PCED1B: variants seen among roughly 807,000 people sequenced by gnomAD.
The protein encoded by PCED1B is PC-esterase domain containing 1B.
For missense variants in PCED1B, 573 were observed against 573.9 expected, an observed-to-expected ratio of 1.00 and a Z score of 0.02; for synonymous variants, 251 against 246.1, an observed-to-expected ratio of 1.02 and a Z score of -0.19.
At chr12:47,173,424 T>C (rs1388726463) in intron 2 of PCED1B, among the ~76,000 whole-genome samples, 1 of 152,102 alleles carries the variant, frequency 6.6e-6, no homozygotes, top group African/African-American at 2.4e-5. Context: ...CAGCTAATTT[T>C]TGTATTTTTA....
At chr12:47,153,280 G>A (rs1401000832) in intron 2 of PCED1B, among the ~76,000 whole-genome samples, 1 of 150,008 alleles carries the variant, frequency 6.7e-6, no homozygotes, top group Non-Finnish European at 1.5e-5. Context: ...AACCCAGGAG[G>A]TGGAGCTTAC....
At chr12:47,181,330 T>A (rs1942088108) in intron 2 of PCED1B, among the ~76,000 whole-genome samples, 1 of 151,900 alleles carries the variant, frequency 6.6e-6, no homozygotes, top group African/African-American at 2.4e-5. Context: ...TATTTTCTAA[T>A]ATATATTAGA....
chr12:47,229,046 A>C (rs1943718639), intron 3 of PCED1B, among the ~76,000 whole-genome samples: 1 of 152,038 alleles, frequency 6.6e-6, no homozygotes, highest in African/African-American at 2.4e-5. Context: ...TCTCTTCTTT[A>C]TTGATGATTA....
In PCED1B at chr12:47,131,673, C is replaced by CTTTTTTTTTTTTTTTTTTTT. The variant is rs760678015; in HGVS notation, c.-526+27492_-526+27493insTTTTTTTTTTTTTTTTTTTT. On this transcript the variant is annotated intron_variant, in intron 2 of 3. Coordinates refer to ENST00000546455, the MANE Select transcript of PCED1B (RefSeq NM_138371.3). ...CTGACACTATTGTCATGTTTTACTT[C>CTTTTTTTTTTTTTTTTTTTT]TTTTTTTTTTTTTTGAGAAGGAGTC... is the stretch of plus-strand genomic sequence containing the variant. Among the ~76,000 whole-genome samples, 65 of 127,976 alleles carry CTTTTTTTTTTTTTTTTTTTT rather than the reference C, an allele frequency of 5.1e-4. 7 individuals carry two copies. Among genetic ancestry groups the CTTTTTTTTTTTTTTTTTTTT allele is most frequent in the African/African-American group, 1.9e-3 (54 of 27,918 alleles). The allele number at this position is 127,976 out of a possible 152,430, so 84.0% of individuals were successfully genotyped here.
intron 2 of PCED1B, among the ~76,000 whole-genome samples, chr12:47,195,939 A>G (rs990579394): frequency 6.6e-6 from 1 of 152,176 alleles, no homozygotes; most frequent in Non-Finnish European, 1.5e-5. Flanking sequence ...TACATTTTTT[A>G]AAAACTGCTT....
At chr12:47,101,291 A>C (rs1746001914) in intron 1 of PCED1B, among the ~76,000 whole-genome samples, 1 of 152,132 alleles carries the variant, frequency 6.6e-6, no homozygotes. Flanking sequence ...GGGAGTGGGC[A>C]AGAGCACTGG....
At chr12:47,107,429 G>A (rs931601030) in intron 2 of PCED1B, among the ~76,000 whole-genome samples, 14 of 152,236 alleles carry the variant, frequency 9.2e-5, no homozygotes, top group African/African-American at 3.4e-4. Flanking sequence ...GGAGCTGATA[G>A]ATGGCAGGCC....
At chr12:47,197,238 CAAAAA>C (rs57095369) in intron 2 of PCED1B, among the ~76,000 whole-genome samples, 1 of 58,612 alleles carries the variant, frequency 1.7e-5, no homozygotes, top group Non-Finnish European at 2.9e-5. Context: ...GACTCTGTCT[CAAAAA>C]AAAAAAAAAA....
chr12:47,160,293 C>CTTTTTTTTTTTTTTTTTTTTTTTTT (rs59856338), intron 2 of PCED1B, among the ~76,000 whole-genome samples: 5 of 69,228 alleles, frequency 7.2e-5, no homozygotes, highest in African/African-American at 1.9e-4. Context: ...TTTTCTTTTT[C>CTTTTTTTTTTTTTTTTTTTTTTTTT]TTTTTTTTTT....
At chr12:47,109,871 T>C (rs1474399) in intron 2 of PCED1B, among the ~76,000 whole-genome samples, 129,114 of 152,168 alleles carry the variant, frequency 0.85, 55,701 homozygotes, top group East Asian at 0.95. Flanking sequence ...GTGATTTTCA[T>C]ATGGAACCAA....
At chr12:47,082,605 T>A (rs854891) in intron 1 of PCED1B, among the ~76,000 whole-genome samples, 23,045 of 152,238 alleles carry the variant, frequency 0.15, 1,836 homozygotes, top group East Asian at 0.27. Flanking sequence ...GTACTGAGCC[T>A]TTATTATATG....
At position 47,235,947 on chromosome 12, in the gene PCED1B, CT is replaced by C. The variant is rs748077963; in HGVS notation, c.886del (p.Ser296ProfsTer141). 2 of 1,612,496 alleles carry C rather than the reference CT, an allele frequency of 1.2e-6. No homozygotes were observed. Among genetic ancestry groups the C allele is most frequent in the Non-Finnish European group, 1.7e-6 (2 of 1,179,388 alleles). On this transcript the variant is annotated frameshift_variant, in exon 4 of 4. Transcript: ENST00000546455. LOFTEE classifies it low-confidence loss of function (END_TRUNC). Reference protein sequence around the residue: ...HPALPLSPPLPSPTYRPLLGF... With the variant: ...HPALPLSPPLXSPTYRPLLGF... ...GCCTTACCTCTGTCCCCACCCTTAC[CT>C]TCCCCCACATACCGCCCCCTGCTTG...
intron 2 of PCED1B, among the ~76,000 whole-genome samples, chr12:47,167,145 G>A (rs1941570029): frequency 1.3e-5 from 2 of 152,126 alleles, no homozygotes; most frequent in Admixed American, 1.3e-4. Flanking sequence ...TATCTTTAAA[G>A]ATGGAAATGT....
At chr12:47,219,272 G>T (rs865847497) in intron 3 of PCED1B, among the ~76,000 whole-genome samples, 1 of 152,126 alleles carries the variant, frequency 6.6e-6, no homozygotes. Flanking sequence ...ACTCTTTTGG[G>T]TAATCCCTTC....
intron 2 of PCED1B, among the ~76,000 whole-genome samples, chr12:47,144,363 T>C (rs1209640061): frequency 2.6e-5 from 4 of 152,234 alleles, no homozygotes; most frequent in African/African-American, 9.6e-5. Context: ...CAAGGATCTC[T>C]AAATGACTTT....
intron 2 of PCED1B, among the ~76,000 whole-genome samples, chr12:47,109,726 G>A (rs907757493): frequency 2.6e-5 from 4 of 152,160 alleles, no homozygotes; most frequent in African/African-American, 7.2e-5. Flanking sequence ...AAGGAGAGAA[G>A]GGGGTGCAAT....
Position 47,150,553 on chromosome 12 carries a change from G to A in PCED1B, c.-526+46358G>A, listed in dbSNP as rs552138832. Among the ~76,000 whole-genome samples the A allele has an allele frequency of 1.4e-3, 215 of 151,714 alleles. 2 individuals carry two copies. The highest frequency in any genetic ancestry group is 2.6e-3 in the Non-Finnish European group (176 of 67,948). ...AGATCGTGCCACTGCACTGCAGTCT[G>A]GGCAACAGAGTGAGACTCCATCTCA... On this transcript the variant is annotated intron_variant, in intron 2 of 3. Transcript: ENST00000546455.
chr12:47,092,136 T>G (rs1476909934), intron 1 of PCED1B, among the ~76,000 whole-genome samples: 1 of 152,070 alleles, frequency 6.6e-6, no homozygotes, highest in Admixed American at 6.5e-5. Context: ...TGGAGAGAAC[T>G]AACATCTTTA....
At chr12:47,082,498 C>T (rs1031733155) in intron 1 of PCED1B, among the ~76,000 whole-genome samples, 3 of 152,182 alleles carry the variant, frequency 2.0e-5, no homozygotes, top group African/African-American at 7.2e-5. Flanking sequence ...ATTATATTTT[C>T]CACCCCACCC....
Sources: gnomAD v4.1 joint callset for allele counts (sites outside exome capture counted in the v4.1 genomes callset) on GRCh38, gnomAD v4.1.1 for gene constraint, MANE v1.5 for transcripts, NCBI Gene and HGNC (gene_info 2026-07-23, HGNC 2026-07-21) for gene names.